Variants in ACTN4 observed in about 807,000 individuals in gnomAD.
ACTN4 encodes the protein alpha-actinin-4.
A neutral mutation model predicts 114.2 loss-of-function variants in ACTN4; 18 were observed. The observed-to-expected ratio is 0.16, with a 90% confidence interval of 0.11 to 0.23. ACTN4 has a LOEUF of 0.23. ACTN4 is among the 10% of genes least tolerant of loss of function. The pLI is 1.00. For missense variants in ACTN4, 722 were observed against 1,262.9 expected (o/e 0.57, Z 6.49); for synonymous variants, 515 against 506.3 (o/e 1.02, Z -0.23).
At chr19:38,695,548 G>C (rs1568713360) in intron 1 of ACTN4, among the ~76,000 whole-genome samples, 2 of 152,140 alleles carry the variant, frequency 1.3e-5, no homozygotes, top group Non-Finnish European at 2.9e-5. Flanking sequence ...CTTTATTCCT[G>C]GCCATCACAC....
intron 1 of ACTN4, among the ~76,000 whole-genome samples, chr19:38,678,161 C>T (rs903011370): frequency 3.9e-5 from 6 of 152,204 alleles, no homozygotes; most frequent in Admixed American, 2.6e-4. Context: ...GACCTGTGTC[C>T]GGGCAGCAGG....
chr19:38,693,206 T>TG (rs1412908742), intron 1 of ACTN4, among the ~76,000 whole-genome samples: 3 of 151,596 alleles, frequency 2.0e-5, no homozygotes. Context: ...GCCTGGTGGG[T>TG]GGGGAGAGTG....
chr19:38,667,706 CA>C lies in ACTN4; in HGVS notation c.162+19814del, dbSNP rs77347323. Reference sequence around the variant, plus strand: ...AGTCTGATGTATCTGTTTCTTCCACCAAAAAAAAAAAAAAACCATTTTGGAG... The same window carrying C: ...AGTCTGATGTATCTGTTTCTTCCACCAAAAAAAAAAAAAACCATTTTGGAG... On this transcript the variant is annotated intron_variant, in intron 1 of 20. Transcript: ENST00000252699. Among the ~76,000 whole-genome samples the C allele has an allele frequency of 6.3e-3, 813 of 129,258 alleles. 3 individuals carry two copies. Among genetic ancestry groups the C allele is most frequent in the African/African-American group, 0.017 (557 of 32,598 alleles). 84.8% of individuals were successfully genotyped at this position (129,258 alleles called of 152,430 possible). A position where few individuals can be genotyped will look rare whatever the true frequency, so the allele number is the denominator to read the frequency against.
At chr19:38,673,693 ATATATATT>A (rs71165568) in intron 1 of ACTN4, among the ~76,000 whole-genome samples, 8,931 of 79,566 alleles carry the variant, frequency 0.11, 984 homozygotes, top group South Asian at 0.15. Flanking sequence ...TATATATATT[ATATATATT>A]TATATATTTA....
rs117709171 is a variant in ACTN4, at chr19:38,714,895, G to T, written c.912+334G>T. Among the ~76,000 whole-genome samples the T allele has an allele frequency of 5.6e-3, 853 of 152,326 alleles. 25 individuals are homozygous for T. The highest frequency in any genetic ancestry group is 0.044 in the East Asian group (230 of 5,180). ...TGAAAGCCCCTCTTCCCGTGCCCTG[G>T]CCCTGGAGAGAGTGATTCAGAAGGA... On this transcript the variant is annotated intron_variant, in intron 9 of 20. Transcript: ENST00000252699.
intron 1 of ACTN4, among the ~76,000 whole-genome samples, chr19:38,674,272 A>G (rs1204400507): frequency 6.6e-6 from 1 of 152,144 alleles, no homozygotes; most frequent in African/African-American, 2.4e-5. Context: ...GGTTGTGGGA[A>G]GAGAGAAATA....
At chr19:38,718,550 G>T (rs1268230448) in intron 11 of ACTN4, among the ~76,000 whole-genome samples, 2 of 152,006 alleles carry the variant, frequency 1.3e-5, no homozygotes, top group Non-Finnish European at 2.9e-5. Flanking sequence ...AAAAAGGAAA[G>T]AAATGCTGCT....
intron 1 of ACTN4, among the ~76,000 whole-genome samples, chr19:38,671,231 G>A (rs1967118664): frequency 6.6e-6 from 1 of 152,174 alleles, no homozygotes; most frequent in South Asian, 2.1e-4. Flanking sequence ...AGATAATTAA[G>A]AGTTGACTCC....
Position 38,727,136 on chromosome 19 carries a change from C to T in ACTN4, c.2337+33C>T, listed in dbSNP as rs1317966272. On this transcript the variant is annotated intron_variant, in intron 18 of 20. Coordinates refer to ENST00000252699, the MANE Select transcript of ACTN4 (RefSeq NM_004924.6). This position sits in a 1 kb window ranked among gnomAD's most constrained non-coding sequence, Gnocchi z 5.4. ...GCCTGCCACCTCCTCGGCCTCTCCC[C>T]TCCCGCCGTTGCCGTACCAGCCCAC... is the stretch of plus-strand genomic sequence containing the variant. The T allele has an allele frequency of 3.7e-6, 6 of 1,613,068 alleles. No individual in the cohort carries two copies. The South Asian group carries it at 5.5e-5, about 15-fold the overall frequency.
At position 38,724,653 on chromosome 19, in the gene ACTN4, G is replaced by T; in HGVS notation, c.2010+88G>T. ...GTCCCCGGCCAGCCCAGGGCCTGCA[G>T]ACTGAGGCGCCTGGCAGAGCAGGTC... On this transcript the variant is annotated intron_variant, in intron 16 of 20. Coordinates refer to ENST00000252699, the MANE Select transcript of ACTN4 (RefSeq NM_004924.6). This position sits in a 1 kb window ranked among gnomAD's most constrained non-coding sequence, Gnocchi z 7.0. 1 of 1,596,536 alleles carries T rather than the reference G, an allele frequency of 6.3e-7. No homozygotes were observed. The highest frequency in any genetic ancestry group is 1.1e-5 in the South Asian group (1 of 90,644).
Position 38,720,125 on chromosome 19 carries a change from G to A in ACTN4, c.1292-1413G>A, listed in dbSNP as rs541626093. Among the ~76,000 whole-genome samples, 12 of 152,328 alleles carry A rather than the reference G, an allele frequency of 7.9e-5. No homozygotes were observed. The East Asian group carries it at 1.3e-3, about 17-fold the overall frequency. ...GCCCTCCACACCCCAGGGTCTGGTCGTAGCGGCCTCCTCCGCCCTGGGGTG... is the reference window on the plus strand; with the variant it reads ...GCCCTCCACACCCCAGGGTCTGGTCATAGCGGCCTCCTCCGCCCTGGGGTG... On this transcript the variant is annotated intron_variant, in intron 11 of 20. Coordinates refer to ENST00000252699, the MANE Select transcript of ACTN4 (RefSeq NM_004924.6).
At chr19:38,700,241 A>T in intron 1 of ACTN4, among the ~76,000 whole-genome samples, 1 of 151,988 alleles carries the variant, frequency 6.6e-6, no homozygotes, top group South Asian at 2.1e-4. Context: ...CGGCGGGCTG[A>T]GGCGCTTTTG....
intron 1 of ACTN4, among the ~76,000 whole-genome samples, chr19:38,654,847 G>C (rs1314103573): frequency 6.6e-6 from 1 of 152,128 alleles, no homozygotes; most frequent in Non-Finnish European, 1.5e-5. Context: ...CCTTTAGTTT[G>C]AACAGCGTTT....
Position 38,724,366 on chromosome 19 carries a change from G to A in ACTN4, c.1875+27G>A, listed in dbSNP as rs1969158152. 3 of 1,612,282 alleles carry A rather than the reference G, an allele frequency of 1.9e-6. No individual in the cohort carries two copies. Among genetic ancestry groups the A allele is most frequent in the Non-Finnish European group, 2.5e-6 (3 of 1,179,652 alleles). ...TGGGCCGGGGCCATCCGTAGGGGCTGGGGCAGGACGGCGGGGCTGGGGGCC... is the reference window on the plus strand; with the variant it reads ...TGGGCCGGGGCCATCCGTAGGGGCTAGGGCAGGACGGCGGGGCTGGGGGCC... On this transcript the variant is annotated intron_variant, in intron 15 of 20. Transcript: ENST00000252699. The surrounding 1 kb of genome is among the most constrained non-coding windows in gnomAD (Gnocchi z 7.0).
Position 38,647,817 on chromosome 19 carries a change from CG to C in ACTN4, c.77del (p.Gly26AlafsTer79), listed in dbSNP as rs1293945836. 1 of 1,550,952 alleles carries C rather than the reference CG, an allele frequency of 6.4e-7. No individual in the cohort carries two copies. Among genetic ancestry groups the C allele is most frequent in the Non-Finnish European group, 8.7e-7 (1 of 1,149,768 alleles). ...PSSAGNGAGG[G>X]GSMGDYMAQE... ...GCAGCGCGGGCAATGGCGCTGGCGG[CG>C]GGGGCAGCATGGGCGACTACATGGC... On this transcript the variant is annotated frameshift_variant, in exon 1 of 21. Coordinates refer to ENST00000252699, the MANE Select transcript of ACTN4 (RefSeq NM_004924.6). LOFTEE classifies it high-confidence loss of function.
intron 1 of ACTN4, among the ~76,000 whole-genome samples, chr19:38,689,450 C>G (rs1384627800): frequency 6.6e-6 from 1 of 152,098 alleles, no homozygotes; most frequent in African/African-American, 2.4e-5. Context: ...TGGAGAGTAA[C>G]TGTACCAGTT....
intron 5 of ACTN4, among the ~76,000 whole-genome samples, chr19:38,706,952 C>T (rs971840257): frequency 6.6e-6 from 1 of 152,168 alleles, no homozygotes; most frequent in African/African-American, 2.4e-5. Flanking sequence ...GGCAGGCCTG[C>T]CTGGTGGTTG....
At chr19:38,652,812 G>A (rs938737393) in intron 1 of ACTN4, among the ~76,000 whole-genome samples, 1 of 152,142 alleles carries the variant, frequency 6.6e-6, no homozygotes, top group Non-Finnish European at 1.5e-5. Flanking sequence ...ATGGCCGGGC[G>A]CAGTGGCTCG....
chr19:38,731,018 A>C lies in ACTN4; in HGVS notation c.*1586A>C. ...TCACCCCCATCCAGGTGCTGGCTGC[A>C]GTGGCCTGTGCAGAGAGGGGCAGGG... is the stretch of plus-strand genomic sequence containing the variant. On this transcript the variant is annotated 3_prime_UTR_variant, in exon 21 of 21. Coordinates refer to ENST00000252699, the MANE Select transcript of ACTN4 (RefSeq NM_004924.6). 1.3e-6 allele frequency: 2 copies of C among 1,553,936 alleles called. No homozygotes were observed. Among genetic ancestry groups the C allele is most frequent in the Non-Finnish European group, 1.7e-6 (2 of 1,148,982 alleles).
Sources: allele counts gnomAD v4.1 joint callset (sites outside exome capture counted in the v4.1 genomes callset), GRCh38; gene constraint gnomAD v4.1.1; non-coding constraint Gnocchi (gnomAD v3.1); transcripts MANE v1.5; gene names NCBI Gene and HGNC (gene_info 2026-07-23, HGNC 2026-07-21).